GLIS1: variants seen among roughly 807,000 people sequenced by gnomAD.
The protein encoded by GLIS1 is GLIS family zinc finger 1.
Under a neutral mutation model 63.8 loss-of-function variants are expected in GLIS1, and 24 were observed. That is an observed-to-expected ratio of 0.38 (90% confidence interval 0.27 to 0.53). GLIS1 has a LOEUF of 0.53. Ranked by LOEUF, GLIS1 falls within the 20% of genes least tolerant of loss-of-function variation. The pLI is 0.85. For missense variants in GLIS1, 1,036 were observed against 1,074.1 expected, an observed-to-expected ratio of 0.96 and a Z score of 0.50; for synonymous variants, 450 against 482.5, an observed-to-expected ratio of 0.93 and a Z score of 0.88.
At chr1:53,690,050 T>C (rs1646385450) in intron 2 of GLIS1, among the ~76,000 whole-genome samples, 1 of 152,218 alleles carries the variant, frequency 6.6e-6, no homozygotes, top group East Asian at 1.9e-4. Flanking sequence ...TCACACTGTG[T>C]GGTCATTATC....
intron 8 of GLIS1, among the ~76,000 whole-genome samples, chr1:53,510,470 G>C (rs1644288046): frequency 6.6e-6 from 1 of 152,166 alleles, no homozygotes. Context: ...CCTGGACGAG[G>C]AGCCCTGGAG....
intron 2 of GLIS1, among the ~76,000 whole-genome samples, chr1:53,704,186 C>A (rs1646552728): frequency 6.6e-6 from 1 of 152,238 alleles, no homozygotes; most frequent in African/African-American, 2.4e-5. Context: ...TTGCCCACAG[C>A]CAATGCTGCA....
At chr1:53,631,240 C>T (rs1235535116) in intron 2 of GLIS1, among the ~76,000 whole-genome samples, 2 of 152,180 alleles carry the variant, frequency 1.3e-5, no homozygotes, top group African/African-American at 4.8e-5. Context: ...ACAATACCTT[C>T]TAATTTTTTG....
chr1:53,615,102 G>A (rs190218295), intron 2 of GLIS1, among the ~76,000 whole-genome samples: 66 of 152,222 alleles, frequency 4.3e-4, no homozygotes, highest in African/African-American at 1.6e-3. Context: ...CTCTAACTCA[G>A]CACAGACCCT....
chr1:53,686,391 A>G (rs1187669504), intron 2 of GLIS1, among the ~76,000 whole-genome samples: 3 of 152,160 alleles, frequency 2.0e-5, no homozygotes, highest in South Asian at 2.1e-4. Flanking sequence ...GATGGAGGAC[A>G]TTGCTTTGTT....
intron 2 of GLIS1, among the ~76,000 whole-genome samples, chr1:53,656,200 C>T (rs1645963844): frequency 6.6e-6 from 1 of 152,128 alleles, no homozygotes; most frequent in African/African-American, 2.4e-5. Context: ...GAAGCAGAGC[C>T]CCAAACAGGG....
intron 2 of GLIS1, among the ~76,000 whole-genome samples, chr1:53,656,449 G>A (rs571786101): frequency 6.6e-6 from 1 of 152,282 alleles, no homozygotes; most frequent in East Asian, 1.9e-4. Context: ...GTATTTACAA[G>A]CAAGCACAAA....
chr1:53,525,906 T>C (rs1644463666), intron 5 of GLIS1, among the ~76,000 whole-genome samples: 1 of 152,138 alleles, frequency 6.6e-6, no homozygotes. Flanking sequence ...TCAGTGTCCC[T>C]CTTCTCAGCC....
At chr1:53,569,501 T>C (rs1461269529) in intron 4 of GLIS1, among the ~76,000 whole-genome samples, 1 of 151,790 alleles carries the variant, frequency 6.6e-6, no homozygotes, top group Non-Finnish European at 1.5e-5. Flanking sequence ...AAGCCTTTAA[T>C]CTGAGAGAAA....
chr1:53,559,689 C>T (rs1443281490), intron 4 of GLIS1, among the ~76,000 whole-genome samples: 1 of 152,178 alleles, frequency 6.6e-6, no homozygotes, highest in African/African-American at 2.4e-5. Context: ...TCCTCCCCCA[C>T]ACGCCCTGCA....
At chr1:53,603,349 A>C (rs1645337700) in intron 2 of GLIS1, among the ~76,000 whole-genome samples, 1 of 152,236 alleles carries the variant, frequency 6.6e-6, no homozygotes, top group African/African-American at 2.4e-5. Flanking sequence ...AAGGTCATAC[A>C]GTAATTGCTG....
chr1:53,531,755 G>A (rs1364626549), intron 4 of GLIS1, among the ~76,000 whole-genome samples: 1 of 152,214 alleles, frequency 6.6e-6, no homozygotes, highest in Non-Finnish European at 1.5e-5. Context: ...CAGCCTGTGG[G>A]CCGCGAGCTG....
At chr1:53,676,155 G>A (rs1646209500) in intron 2 of GLIS1, among the ~76,000 whole-genome samples, 1 of 152,104 alleles carries the variant, frequency 6.6e-6, no homozygotes, top group African/African-American at 2.4e-5. Context: ...TGGGGTTTGA[G>A]GTTTTGGTCA....
In GLIS1 at chr1:53,511,777, C is replaced by T. The variant is rs779159509; in HGVS notation, c.1884-1750G>A. On this transcript the variant is annotated intron_variant, in intron 8 of 10. Transcript: ENST00000628545. The surrounding 1 kb of genome is among the most constrained non-coding windows in gnomAD (Gnocchi z 4.2). ...ATGACCAGTTCTGGCTGAAGCTGGG[C>T]TGGGGCCTGGCCGGAGAGTGGCTCC... Among the ~76,000 whole-genome samples, 35 of 152,186 alleles carry T rather than the reference C, an allele frequency of 2.3e-4. No individual in the cohort carries two copies. Among genetic ancestry groups the T allele is most frequent in the Admixed American group, 3.3e-4 (5 of 15,282 alleles).
At chr1:53,736,981 G>A (rs1352944444) in intron 2 of GLIS1, among the ~76,000 whole-genome samples, 5 of 150,742 alleles carry the variant, frequency 3.3e-5, no homozygotes, top group Non-Finnish European at 3.0e-5. Flanking sequence ...TCCCCTAAGG[G>A]AAAAAAAAAG....
rs200955527 is a variant in GLIS1 at position 53,594,858 on chromosome 1, C to T, written c.570G>A (p.Pro190=). 2.4e-4 allele frequency: 381 copies of T among 1,586,038 alleles called. No homozygotes were observed. The African/African-American group carries it at 3.8e-3, about 16-fold the overall frequency. The change falls in exon 4 of 11, where the codon CCG becomes CCA. Residue 190 remains proline (P), a synonymous_variant. Transcript: ENST00000628545. ...RTSLSAHCRG[P]LATGLHPDLD... ...GGTCTGGGTGCAGGCCAGTGGCCAG[C>T]GGGCCCCGACAGTGGGCAGACAGGG...
chr1:53,628,630 CAAGA>C (rs1645621037), intron 2 of GLIS1, among the ~76,000 whole-genome samples: 1 of 152,138 alleles, frequency 6.6e-6, no homozygotes, highest in African/African-American at 2.4e-5. Context: ...GCCACTTGGT[CAAGA>C]TCAAGCGGGA....
chr1:53,557,532 A>G (rs1387590052), intron 4 of GLIS1, among the ~76,000 whole-genome samples: 2 of 152,164 alleles, frequency 1.3e-5, no homozygotes, highest in African/African-American at 4.8e-5. Flanking sequence ...AAATGGCGGC[A>G]AGGGCAGCAG....
At position 53,689,259 on chromosome 1, in the gene GLIS1, T is replaced by C. The variant is rs1334427377; in HGVS notation, c.259+48547A>G. Among the ~76,000 whole-genome samples, 7 of 152,104 alleles carry C rather than the reference T, an allele frequency of 4.6e-5. No individual in the cohort carries two copies. In the East Asian group the frequency reaches 1.2e-3, roughly 25 times the overall value. On this transcript the variant is annotated intron_variant, in intron 2 of 10. Coordinates refer to ENST00000628545, the MANE Select transcript of GLIS1 (RefSeq NM_001367484.1). ...GGAGCGAAGCAGGGGCCAGTGGACA[T>C]ACAGAGAAGCCACAGCCCAGTCAGA...
Sources: allele counts gnomAD v4.1 joint callset (sites outside exome capture counted in the v4.1 genomes callset), GRCh38; gene constraint gnomAD v4.1.1; non-coding constraint Gnocchi (gnomAD v3.1); transcripts MANE v1.5; gene names NCBI Gene and HGNC (gene_info 2026-07-23, HGNC 2026-07-21).